Variants in OTUD4 observed in about 807,000 individuals in gnomAD.
OTUD4 encodes OTU deubiquitinase 4, also known as OTU domain-containing protein 4.
In OTUD4, 24 loss-of-function variants were observed where a neutral mutation model predicts 130.4. The ratio of observed to expected loss-of-function variants is 0.18; its 90% confidence interval spans 0.13 to 0.26. The LOEUF (loss-of-function observed/expected upper bound fraction) is 0.26, where lower values mean the gene tolerates loss of function less well. OTUD4 is among the 10% of genes least tolerant of loss of function. The probability of loss-of-function intolerance (pLI) is 1.00; values close to 1 mark genes in which losing one functional copy is unlikely to be tolerated. For synonymous variants in OTUD4, 420 were observed against 472.5 expected (o/e 0.89, Z 1.44); for missense variants, 1,031 against 1,329.4 (o/e 0.78, Z 3.49).
chr4:145,138,456 C>T lies in OTUD4; in HGVS notation c.2319G>A (p.Glu773=). 1.2e-6 allele frequency: 2 copies of T among 1,614,184 alleles called. No individual in the cohort carries two copies. The highest frequency in any genetic ancestry group is 1.1e-5 in the South Asian group (1 of 91,070). ...GTGGCATTTGACCATTAACACTGGC[C>T]TCAGTCTGCATAGGAAAGTGGGCAT... ...CTDAHFPMQT[E]ASVNGQMPQP... Residue 773 remains glutamate, a synonymous_variant, in exon 21 of 21, where the codon GAG becomes GAA. Transcript: ENST00000447906.
intron 14 of OTUD4, among the ~76,000 whole-genome samples, chr4:145,144,971 G>A (rs1380550287): frequency 5.3e-5 from 8 of 152,108 alleles, no homozygotes; most frequent in Admixed American, 4.6e-4. Flanking sequence ...CTAGGTTCCT[G>A]TTTTGGCATT....
Position 145,138,395 on chromosome 4 carries a change from G to C in OTUD4, c.2380C>G (p.Leu794Val). The change falls in exon 21 of 21, where the codon CTG (leucine) becomes GTG (valine). Residue 794 changes from leucine to valine, a missense_variant. Leu to Val is a conservative substitution (Grantham distance 32, BLOSUM62 1). Around this residue, in one of 3 missense-constraint regions of OTUD4, gnomAD observed 900 missense variants for 1,095.9 expected, o/e 0.82. Coordinates refer to ENST00000447906, the MANE Select transcript of OTUD4 (RefSeq NM_001366057.1). ...GACACCTGAGATGGAGGGATAACCA[G>C]AGGTGAAGAAAATGTCGGCGGTCCA... ...EIGPPTFSSP[L>V]VIPPSQVSES... 6.2e-7 allele frequency: 1 copy of C among 1,614,198 alleles called. No homozygotes were observed. The highest frequency in any genetic ancestry group is 8.5e-7 in the Non-Finnish European group (1 of 1,180,028).
intron 14 of OTUD4, among the ~76,000 whole-genome samples, chr4:145,145,228 T>C (rs768143472): frequency 6.6e-5 from 10 of 152,234 alleles, no homozygotes; most frequent in Non-Finnish European, 1.3e-4. Context: ...CTTAAACAAT[T>C]TGTAGTTGTT....
At chr4:145,146,500 T>TA (rs1750833896) in intron 13 of OTUD4, 71 bp from the exon 14 acceptor site, 22 of 888,658 alleles carry the variant, frequency 2.5e-5, no homozygotes, top group South Asian at 1.4e-4. Flanking sequence ...AACATTCTTG[T>TA]CAAAAAAAAA....
chr4:145,175,333 G>A (rs187836386), intron 1 of OTUD4, among the ~76,000 whole-genome samples: 20 of 152,246 alleles, frequency 1.3e-4, no homozygotes, highest in African/African-American at 4.6e-4. Flanking sequence ...AGGCAGCATA[G>A]GGGGTGCAAA....
rs139809652 is a variant in OTUD4 at position 145,137,745 on chromosome 4, G to A, written c.3030C>T (p.Asn1010=). 1.4e-3 allele frequency: 2,201 copies of A among 1,613,856 alleles called. 4 individuals carry two copies. Among genetic ancestry groups the A allele is most frequent in the Non-Finnish European group, 1.8e-3 (2,087 of 1,180,002 alleles). The change falls in exon 21 of 21, where the codon AAC becomes AAT. Residue 1010 remains asparagine, a synonymous_variant. Transcript: ENST00000447906. ...TAADVVSPGA[N]SVDSRVQRPK... ...GTCTTTGCACTCTGCTATCAACAGA[G>A]TTGGCCCCAGGGCTGACCACATCAG... is the stretch of plus-strand genomic sequence containing the variant.
chr4:145,167,172 G>C (rs937428650), intron 3 of OTUD4, among the ~76,000 whole-genome samples: 1 of 152,138 alleles, frequency 6.6e-6, no homozygotes, highest in African/African-American at 2.4e-5. Context: ...ATAGTACTGT[G>C]AAGTCGGTAA....
Position 145,146,432 on chromosome 4 carries a change from G to T in OTUD4, c.1260-3C>A. ...CAACTCTTTCACGATCAGGTTTTCT[G>T]TCAAATAAAACATTCTTGTCAGAAA... On this transcript the variant is annotated splice_polypyrimidine_tract_variant and splice_region_variant and intron_variant, in intron 13 of 20. Coordinates refer to ENST00000447906, the MANE Select transcript of OTUD4 (RefSeq NM_001366057.1). 2 of 1,499,328 alleles carry T rather than the reference G, an allele frequency of 1.3e-6. No homozygotes were observed. Among genetic ancestry groups the T allele is most frequent in the Non-Finnish European group, 1.8e-6 (2 of 1,124,092 alleles). 92.9% of individuals were successfully genotyped at this position (1,499,328 alleles called of 1,614,324 possible).
Position 145,180,042 on chromosome 4 carries a change from G to A in OTUD4, c.-69C>T, listed in dbSNP as rs1427564369. On this transcript the variant is annotated 5_prime_UTR_variant, in exon 1 of 21. An upstream open reading frame in the 5' UTR gains an earlier in-frame stop. Transcript: ENST00000447906. The stretch of plus-strand genomic sequence containing the variant: ...CACATGGCCAGGCCGCCGGCTGCTC[G>A]ACGCCCCGGCCTGGGGCAGGCGGCG... The A allele has an allele frequency of 2.4e-6, 3 of 1,240,612 alleles. No individual in the cohort carries two copies. Among genetic ancestry groups the A allele is most frequent in the East Asian group, 3.6e-5 (1 of 27,886 alleles). 76.9% of individuals were successfully genotyped at this position (1,240,612 alleles called of 1,614,324 possible).
chr4:145,156,853 T>C (rs36225835), intron 7 of OTUD4, among the ~76,000 whole-genome samples: 2,602 of 152,242 alleles, frequency 0.017, 88 homozygotes, highest in African/African-American at 0.058. Flanking sequence ...TTGAACAACA[T>C]AGGTTTGAAC....
chr4:145,144,100 T>C (rs887413565), intron 15 of OTUD4, 99 bp from the exon 16 acceptor site: 23 of 1,125,808 alleles, frequency 2.0e-5, no homozygotes, highest in Non-Finnish European at 2.9e-5. Flanking sequence ...AAAGTATTAT[T>C]TGAACCATGT....
chr4:145,159,791 G>T (rs773552091), intron 6 of OTUD4, among the ~76,000 whole-genome samples, 156 bp from the exon 7 acceptor site: 1 of 152,128 alleles, frequency 6.6e-6, no homozygotes, highest in African/African-American at 2.4e-5. Context: ...AATTTTATCA[G>T]AAAGTTACCT....
At chr4:145,164,928 G>A (rs1366023777) in intron 4 of OTUD4, among the ~76,000 whole-genome samples, 1 of 151,848 alleles carries the variant, frequency 6.6e-6, no homozygotes, top group Non-Finnish European at 1.5e-5. Context: ...ACATAGACCG[G>A]AAAAATTTCT....
At chr4:145,163,353 C>A (rs553022470) in intron 5 of OTUD4, among the ~76,000 whole-genome samples, 1 of 152,284 alleles carries the variant, frequency 6.6e-6, no homozygotes, top group African/African-American at 2.4e-5. Flanking sequence ...GACAAAAATT[C>A]TCTTATAATA....
At chr4:145,141,856 G>A (rs530608436) in intron 18 of OTUD4, among the ~76,000 whole-genome samples, 7 of 152,214 alleles carry the variant, frequency 4.6e-5, no homozygotes, top group African/African-American at 1.4e-4. Flanking sequence ...TTGCAGGCAC[G>A]TGTAGGACAT....
intron 3 of OTUD4, among the ~76,000 whole-genome samples, chr4:145,168,230 T>C (rs1035759521): frequency 2.0e-5 from 3 of 151,822 alleles, no homozygotes; most frequent in African/African-American, 7.3e-5. Context: ...TCAAAAGACA[T>C]TGTTAAGAAA....
At chr4:145,151,596 T>C (rs192880411) in intron 11 of OTUD4, among the ~76,000 whole-genome samples, 9 of 152,192 alleles carry the variant, frequency 5.9e-5, no homozygotes, top group Non-Finnish European at 8.8e-5. Flanking sequence ...AATTGCGCCA[T>C]TGCACTATAG....
chr4:145,146,853 G>T (rs1383982990), intron 13 of OTUD4, among the ~76,000 whole-genome samples: 1 of 152,150 alleles, frequency 6.6e-6, no homozygotes, highest in Non-Finnish European at 1.5e-5. Context: ...CTCACTTTCT[G>T]TTCTAAGTAA....
intron 1 of OTUD4, 48 bp downstream of exon 1, chr4:145,179,767 G>A (rs1207140903): frequency 1.3e-5 from 18 of 1,432,770 alleles, no homozygotes; most frequent in Non-Finnish European, 1.6e-5. Flanking sequence ...AGACCCGCCG[G>A]GCCGTCCCCG....
Sources: gnomAD v4.1 joint callset for allele counts (sites outside exome capture counted in the v4.1 genomes callset) on GRCh38, gnomAD v4.1.1 for gene constraint, gnomAD v4.1.1 regional missense constraint, MANE v1.5 for transcripts, NCBI Gene and HGNC (gene_info 2026-07-23, HGNC 2026-07-21) for gene names.